The following DGKB variants were observed in gnomAD, a reference collection of about 807,000 sequenced individuals.
DGKB encodes 90 kDa diacylglycerol kinase.
Under a neutral mutation model 114.3 loss-of-function variants are expected in DGKB, and 67 were observed. The ratio of observed to expected loss-of-function variants is 0.59; its 90% CI spans 0.48 to 0.72. DGKB has a LOEUF of 0.72. Ranked by LOEUF, DGKB falls within the 30% of genes least tolerant of loss-of-function variation. The pLI, the probability that DGKB is intolerant of heterozygous loss-of-function variation, is 0.00. For synonymous variants in DGKB, 398 were observed against 323.1 expected (o/e 1.23, Z -2.49); for missense variants, 907 against 975.2 (o/e 0.93, Z 0.93).
At chr7:14,267,480 T>C (rs56286439) in intron 23 of DGKB, among the ~76,000 whole-genome samples, 56,415 of 123,434 alleles carry the variant, frequency 0.46, 11,137 homozygotes, top group East Asian at 0.65. Flanking sequence ...TTTTTTTTTC[T>C]TTTTTTTTTT....
chr7:14,795,952 G>T (rs531058111), intron 2 of DGKB, among the ~76,000 whole-genome samples: 4 of 152,214 alleles, frequency 2.6e-5, no homozygotes, highest in African/African-American at 9.6e-5. Context: ...TGTCTTAACA[G>T]GATCTAATTT....
At chr7:14,291,648 A>G (rs181657202) in intron 23 of DGKB, among the ~76,000 whole-genome samples, 43 of 152,302 alleles carry the variant, frequency 2.8e-4, no homozygotes, top group African/African-American at 8.7e-4. Flanking sequence ...AAATTTTTCA[A>G]TGTAATCACT....
rs372826149 is a variant in DGKB at position 14,764,534 on chromosome 7, G to C, written c.71-6803C>G. Among the ~76,000 whole-genome samples the C allele has an allele frequency of 6.6e-5, 10 of 151,872 alleles. No individual in the cohort carries two copies. In the East Asian group the frequency reaches 1.2e-3, roughly 18 times the overall value. On this transcript the variant is annotated intron_variant, in intron 2 of 25. Coordinates refer to ENST00000402815, the MANE Select transcript of DGKB (RefSeq NM_001350709.2). ...TTTGCACTCAAAACACAGTGAGGCA[G>C]ATTTAATTAGCCTACATCTCCATGA...
intron 23 of DGKB, among the ~76,000 whole-genome samples, chr7:14,263,331 T>C (rs561402064): frequency 1.3e-5 from 2 of 152,338 alleles, no homozygotes; most frequent in Admixed American, 1.3e-4. Flanking sequence ...TAGCTCTCTT[T>C]AAAATATTTT....
rs147711203 is a variant in DGKB, at chr7:14,922,977, T to C, written c.-188+51719A>G. ...TATTCCTTCAGTCTAACTGAAACTT[T>C]GTATTCTTTGATTAACATCTCCCCT... On this transcript the variant is annotated intron_variant, in intron 1 of 4. Coordinates refer to the DGKB transcript ENST00000437998. Among the ~76,000 whole-genome samples, 325 of 152,330 alleles carry C rather than the reference T, an allele frequency of 2.1e-3. 1 individual carries two copies. The highest frequency in any genetic ancestry group is 7.5e-3 in the African/African-American group (312 of 41,578).
At chr7:14,229,049 G>A (rs574236377) in intron 23 of DGKB, among the ~76,000 whole-genome samples, 31 of 152,052 alleles carry the variant, frequency 2.0e-4, no homozygotes, top group African/African-American at 7.5e-4. Context: ...GTATATGTAT[G>A]AGAAAATCTA....
chr7:14,673,884 T>TA (rs1819418670), intron 12 of DGKB, among the ~76,000 whole-genome samples: 1 of 152,090 alleles, frequency 6.6e-6, no homozygotes, highest in Admixed American at 6.6e-5. Flanking sequence ...GAAAAAAATA[T>TA]ACATTTCAAT....
intron 23 of DGKB, among the ~76,000 whole-genome samples, chr7:14,274,779 CT>C (rs1203051313): frequency 2.0e-5 from 3 of 150,848 alleles, no homozygotes; most frequent in East Asian, 2.0e-4. Flanking sequence ...CTCTGGTCTG[CT>C]TTTTTTTTCT....
At chr7:14,575,274 T>C (rs1311368100) in intron 19 of DGKB, among the ~76,000 whole-genome samples, 9 of 152,198 alleles carry the variant, frequency 5.9e-5, no homozygotes, top group Admixed American at 6.5e-5. Flanking sequence ...TACACCACAT[T>C]GTCATTACTT....
intron 13 of DGKB, among the ~76,000 whole-genome samples, chr7:14,647,481 T>C (rs1369726107): frequency 6.6e-6 from 1 of 152,222 alleles, no homozygotes; most frequent in Non-Finnish European, 1.5e-5. Context: ...ATTCACTTTA[T>C]AAGTACAGCA....
intron 13 of DGKB, among the ~76,000 whole-genome samples, chr7:14,646,187 A>T (rs1268645355): frequency 6.6e-6 from 1 of 152,226 alleles, no homozygotes; most frequent in Admixed American, 6.5e-5. Flanking sequence ...AGATATTCCA[A>T]TGCAAACTGA....
At chr7:14,271,154 T>TAAGAC in intron 23 of DGKB, among the ~76,000 whole-genome samples, 1 of 152,322 alleles carries the variant, frequency 6.6e-6, no homozygotes, top group Non-Finnish European at 1.5e-5. Context: ...CATATTTTTA[T>TAAGAC]AAGACTCATA....
intron 21 of DGKB, among the ~76,000 whole-genome samples, chr7:14,350,372 T>C (rs892442382): frequency 6.6e-6 from 1 of 152,090 alleles, no homozygotes; most frequent in Non-Finnish European, 1.5e-5. Context: ...ATCGGCTTAG[T>C]AACATTAACG....
chr7:14,808,338 T>C (rs1843003251), intron 2 of DGKB, among the ~76,000 whole-genome samples: 1 of 151,960 alleles, frequency 6.6e-6, no homozygotes, highest in African/African-American at 2.4e-5. Context: ...TACTTAGAAA[T>C]ATGAAAAGGG....
At chr7:14,760,899 T>C (rs1165861768) in intron 2 of DGKB, among the ~76,000 whole-genome samples, 1 of 152,192 alleles carries the variant, frequency 6.6e-6, no homozygotes, top group African/African-American at 2.4e-5. Flanking sequence ...GGTCATAGTT[T>C]ATACTGAATA....
chr7:14,761,638 G>A (rs953083530), intron 2 of DGKB, among the ~76,000 whole-genome samples: 1 of 152,142 alleles, frequency 6.6e-6, no homozygotes. Flanking sequence ...ATAGTAAGAC[G>A]TGGCCTCAGT....
chr7:14,685,423 T>G, intron 9 of DGKB, 61 bp from the exon 10 acceptor site: 1 of 1,259,514 alleles, frequency 7.9e-7, no homozygotes, highest in Non-Finnish European at 1.2e-6. Flanking sequence ...AAGATGTAAG[T>G]GCCAATGAAA....
intron 23 of DGKB, among the ~76,000 whole-genome samples, chr7:14,280,787 ATACTT>A (rs1192690174): frequency 6.7e-6 from 1 of 149,730 alleles, no homozygotes; most frequent in Non-Finnish European, 1.5e-5. Context: ...GAGAAATAAA[ATACTT>A]TACAGACAAG....
At chr7:14,280,118 T>A (rs1346057250) in intron 23 of DGKB, among the ~76,000 whole-genome samples, 2 of 150,992 alleles carry the variant, frequency 1.3e-5, no homozygotes, top group South Asian at 2.1e-4. Flanking sequence ...TTGAAAAAAA[T>A]TTAGAAGAAT....
Sources: gnomAD v4.1 joint callset for allele counts (sites outside exome capture counted in the v4.1 genomes callset) on GRCh38, gnomAD v4.1.1 for gene constraint, MANE v1.5 for transcripts, NCBI Gene and HGNC (gene_info 2026-07-23, HGNC 2026-07-21) for gene names.